Variants in SASH1 observed in about 807,000 individuals in gnomAD.
SASH1 encodes SAM and SH3 domain-containing protein 1.
SASH1 carries 44 observed loss-of-function variants against 125.2 expected under a neutral mutation model. The ratio of observed to expected loss-of-function variants is 0.35; its 90% CI spans 0.28 to 0.45. The LOEUF (loss-of-function observed/expected upper bound fraction) is 0.45, where lower values mean the gene tolerates loss of function less well. Ranked by LOEUF, SASH1 falls within the 20% of genes least tolerant of loss-of-function variation. The pLI is 1.00. For synonymous variants in SASH1, 639 were observed against 649.1 expected (o/e 0.98, Z 0.24); for missense variants, 1,426 against 1,614.5 (o/e 0.88, Z 2.00).
intron 1 of SASH1, among the ~76,000 whole-genome samples, chr6:148,302,093 A>T (rs190880838): frequency 6.6e-6 from 1 of 150,938 alleles, no homozygotes; most frequent in Non-Finnish European, 1.5e-5. Flanking sequence ...AGGCAGGCAG[A>T]TCATGAGATC....
At chr6:148,468,821 C>G (rs916248259) in intron 5 of SASH1, 27 of 393,162 alleles carry the variant, frequency 6.9e-5, no homozygotes, top group African/African-American at 5.6e-4. Context: ...GAGCATTTTC[C>G]CATGACTGAA....
chr6:148,459,611 C>T (rs1777524253), intron 4 of SASH1, among the ~76,000 whole-genome samples: 1 of 151,946 alleles, frequency 6.6e-6, no homozygotes, highest in African/African-American at 2.4e-5. Flanking sequence ...CCCGAGGTGC[C>T]AGAGAACCAG....
chr6:148,389,929 C>G (rs1783629443), intron 1 of SASH1, among the ~76,000 whole-genome samples: 1 of 152,154 alleles, frequency 6.6e-6, no homozygotes, highest in Non-Finnish European at 1.5e-5. Context: ...GTTTACCCAT[C>G]AATATAAGTG....
the SASH1 span, among the ~76,000 whole-genome samples, chr6:148,213,859 A>G: frequency 6.6e-6 from 1 of 152,106 alleles, no homozygotes; most frequent in Non-Finnish European, 1.5e-5. Context: ...TTAACTGTCT[A>G]GTTTATTTTC....
At chr6:148,343,841 A>C (rs1781428315) in intron 1 of SASH1, among the ~76,000 whole-genome samples, 1 of 152,172 alleles carries the variant, frequency 6.6e-6, no homozygotes, top group Admixed American at 6.6e-5. Flanking sequence ...GTTCTTCTGT[A>C]TGGAGGGTGA....
At chr6:148,542,549 G>C (rs944802012) in intron 17 of SASH1, among the ~76,000 whole-genome samples, 2 of 152,094 alleles carry the variant, frequency 1.3e-5, no homozygotes, top group African/African-American at 4.8e-5. Context: ...ACCATGCCCG[G>C]CTAATTTTTT....
upstream of SASH1, among the ~76,000 whole-genome samples, chr6:148,341,312 GTTTTGTTTTTTTT>G (rs1281842556): frequency 3.3e-4 from 46 of 137,890 alleles, no homozygotes; most frequent in South Asian, 6.0e-3. Flanking sequence ...CTCTTGCTAT[GTTTTGTTTTTTTT>G]TTTTGTTTTT....
chr6:148,393,138 C>T (rs1583076289), intron 2 of SASH1, among the ~76,000 whole-genome samples: 1 of 149,364 alleles, frequency 6.7e-6, no homozygotes, highest in African/African-American at 2.5e-5. Context: ...CCTCCACCTC[C>T]TGGGTTCAAC....
chr6:148,406,653 G>A (rs548035698), intron 2 of SASH1, among the ~76,000 whole-genome samples: 2 of 152,352 alleles, frequency 1.3e-5, no homozygotes, highest in Admixed American at 1.3e-4. Flanking sequence ...GGATGACAGT[G>A]AAGGCAGGGA....
At chr6:148,476,412 A>G (rs1045204083) in intron 7 of SASH1, among the ~76,000 whole-genome samples, 1 of 152,132 alleles carries the variant, frequency 6.6e-6, no homozygotes, top group Non-Finnish European at 1.5e-5. Context: ...CATGCTTCAC[A>G]GAATTAGAAG....
rs1160796234 is a variant in SASH1 at position 148,531,723 on chromosome 6, C to G, written c.1564+62C>G. 9.8e-6 allele frequency: 13 copies of G among 1,321,446 alleles called. No individual in the cohort carries two copies. The Admixed American group carries it at 3.9e-4, about 39-fold the overall frequency. The allele number at this position is 1,321,446 out of a possible 1,614,324, so 81.9% of individuals were successfully genotyped here. Reference sequence around the variant, plus strand: ...GAGTTAATATCTGACATATACTGAGCACTAGGTTCAGGCAATTTCAAGGTG... The same window carrying G: ...GAGTTAATATCTGACATATACTGAGGACTAGGTTCAGGCAATTTCAAGGTG... On this transcript the variant is annotated intron_variant, in intron 13 of 19. Coordinates refer to ENST00000367467, the MANE Select transcript of SASH1 (RefSeq NM_015278.5).
intron 2 of SASH1, among the ~76,000 whole-genome samples, chr6:148,404,718 T>C (rs1195075145): frequency 4.2e-3 from 114 of 26,954 alleles, no homozygotes; most frequent in African/African-American, 0.016. Context: ...AAGCCCAGCC[T>C]CCTGCCCCAG....
rs1782160482 is a variant in SASH1, at chr6:148,360,641, C to CA, written c.156+17418_156+17419insA. On this transcript the variant is annotated intron_variant, in intron 1 of 19. Transcript: ENST00000367467. Reference sequence around the variant, plus strand: ...TGGGATTACAGGCGTGAGCCACCCCCCCGCCAGGCTTTAAAGCCTTTTTAA... The same window carrying CA: ...TGGGATTACAGGCGTGAGCCACCCCCACCGCCAGGCTTTAAAGCCTTTTTAA... Among the ~76,000 whole-genome samples, 3 of 128,048 alleles carry CA rather than the reference C, an allele frequency of 2.3e-5. 1 individual carries two copies. Among genetic ancestry groups the CA allele is most frequent in the Admixed American group, 2.3e-4 (3 of 13,312 alleles). 84.0% of individuals were successfully genotyped at this position (128,048 alleles called of 152,430 possible). A position where few individuals can be genotyped will look rare whatever the true frequency, so the allele number is the denominator to read the frequency against.
At chr6:148,324,556 C>T (rs1780746702) in intron 1 of SASH1, among the ~76,000 whole-genome samples, 1 of 152,182 alleles carries the variant, frequency 6.6e-6, no homozygotes, top group Non-Finnish European at 1.5e-5. Flanking sequence ...GATTCTTCTT[C>T]TCCACTCCAG....
chr6:148,313,286 G>T (rs935546511), intron 1 of SASH1, among the ~76,000 whole-genome samples: 3 of 152,174 alleles, frequency 2.0e-5, no homozygotes, highest in Non-Finnish European at 4.4e-5. Context: ...TTCACCCGGA[G>T]AAAATTCATT....
upstream of SASH1, among the ~76,000 whole-genome samples, chr6:148,338,862 G>A (rs959597484): frequency 2.2e-4 from 33 of 151,870 alleles, no homozygotes; most frequent in African/African-American, 7.0e-4. Context: ...AAAATTAGCC[G>A]GGCGTGGTGG....
At chr6:148,458,459 G>A (rs1249135869) in intron 4 of SASH1, among the ~76,000 whole-genome samples, 2 of 152,120 alleles carry the variant, frequency 1.3e-5, no homozygotes, top group African/African-American at 4.8e-5. Context: ...ACTGGATATT[G>A]ACATGGGAGG....
chr6:148,337,232 T>TTC (rs1781186448), intron 1 of SASH1, among the ~76,000 whole-genome samples: 1 of 150,808 alleles, frequency 6.6e-6, no homozygotes, highest in Non-Finnish European at 1.5e-5. Flanking sequence ...AATTTTTTTT[T>TTC]TTTTTTTTTG....
At chr6:148,399,484 C>T (rs992657331) in intron 2 of SASH1, among the ~76,000 whole-genome samples, 1 of 151,978 alleles carries the variant, frequency 6.6e-6, no homozygotes, top group Non-Finnish European at 1.5e-5. Flanking sequence ...CGTCAGCCCC[C>T]CAAAATGCTA....
Sources: gnomAD v4.1 joint callset for allele counts (sites outside exome capture counted in the v4.1 genomes callset) on GRCh38, gnomAD v4.1.1 for gene constraint, MANE v1.5 for transcripts, NCBI Gene and HGNC (gene_info 2026-07-23, HGNC 2026-07-21) for gene names.